NOS1AP: variants seen among roughly 807,000 people sequenced by gnomAD.
NOS1AP encodes the protein nitric oxide synthase 1 adaptor protein.
A neutral mutation model predicts 56.2 loss-of-function variants in NOS1AP; 21 were observed. That is an observed-to-expected ratio of 0.37 (90% CI 0.26 to 0.54). The LOEUF (loss-of-function observed/expected upper bound fraction) is 0.54, where lower values mean the gene tolerates loss of function less well. Ranked by LOEUF, NOS1AP falls within the 20% of genes least tolerant of loss-of-function variation. The pLI is 0.84. For synonymous variants in NOS1AP, 270 were observed against 274.6 expected (o/e 0.98, Z 0.17); for missense variants, 522 against 657.8 (o/e 0.79, Z 2.26).
chr1:162,205,712 G>A (rs914644068), intron 2 of NOS1AP, among the ~76,000 whole-genome samples: 3 of 152,198 alleles, frequency 2.0e-5, no homozygotes, highest in Admixed American at 6.5e-5. Flanking sequence ...TTTGGGAATT[G>A]TAGCTGTCTT....
chr1:162,249,841 C>T (rs1003776068), intron 2 of NOS1AP, among the ~76,000 whole-genome samples: 2 of 152,180 alleles, frequency 1.3e-5, no homozygotes, highest in Non-Finnish European at 2.9e-5. Flanking sequence ...TCCAGTGTAT[C>T]AGTGGGCACG....
At chr1:162,110,506 A>G (rs1166615538) in intron 1 of NOS1AP, among the ~76,000 whole-genome samples, 1 of 152,208 alleles carries the variant, frequency 6.6e-6, no homozygotes, top group Non-Finnish European at 1.5e-5. Flanking sequence ...TGTCAAGTCT[A>G]AGACCCCAAT....
At chr1:162,321,227 G>C (rs999400058) in intron 4 of NOS1AP, among the ~76,000 whole-genome samples, 2 of 152,196 alleles carry the variant, frequency 1.3e-5, no homozygotes, top group African/African-American at 4.8e-5. Flanking sequence ...GTTTGTCAAA[G>C]ATCAGATAGT....
intron 2 of NOS1AP, among the ~76,000 whole-genome samples, chr1:162,162,987 C>T (rs1256575510): frequency 1.3e-5 from 2 of 152,184 alleles, no homozygotes; most frequent in Non-Finnish European, 2.9e-5. Context: ...TAGCCCCAGA[C>T]TACTACTAAT....
At chr1:162,231,658 T>C (rs910997875) in intron 2 of NOS1AP, among the ~76,000 whole-genome samples, 3 of 152,194 alleles carry the variant, frequency 2.0e-5, no homozygotes, top group Admixed American at 2.0e-4. Context: ...ACATTTCAAG[T>C]GCTCAGTAGC....
At chr1:162,366,823 G>A (rs918845387) in intron 9 of NOS1AP, 7 of 615,822 alleles carry the variant, frequency 1.1e-5, no homozygotes, top group African/African-American at 1.9e-5. Flanking sequence ...TGGTTCTTAT[G>A]TCCCCGCCTT....
chr1:162,303,511 G>A (rs1017392806), intron 4 of NOS1AP, among the ~76,000 whole-genome samples: 12 of 152,192 alleles, frequency 7.9e-5, no homozygotes, highest in African/African-American at 2.7e-4. Context: ...GTGTAATCAC[G>A]GCTCACTGCA....
chr1:162,226,507 A>G (rs979575264), intron 2 of NOS1AP, among the ~76,000 whole-genome samples: 1 of 152,210 alleles, frequency 6.6e-6, no homozygotes, highest in South Asian at 2.1e-4. Context: ...ACCAAACCTA[A>G]CATTACAACA....
intron 1 of NOS1AP, among the ~76,000 whole-genome samples, chr1:162,099,985 G>C (rs1211870772): frequency 6.6e-6 from 1 of 151,154 alleles, no homozygotes; most frequent in African/African-American, 2.4e-5. Flanking sequence ...TGGCTGCATA[G>C]TATTCCATGG....
chr1:162,332,330 T>C (rs971788804), intron 4 of NOS1AP, among the ~76,000 whole-genome samples: 4 of 152,198 alleles, frequency 2.6e-5, no homozygotes, highest in Non-Finnish European at 1.5e-5. Flanking sequence ...TCTGCCTTAT[T>C]TTTCTTCATA....
At chr1:162,275,878 A>G (rs1321826110) in intron 2 of NOS1AP, among the ~76,000 whole-genome samples, 1 of 152,190 alleles carries the variant, frequency 6.6e-6, no homozygotes, top group Non-Finnish European at 1.5e-5. Context: ...GCTTTAATAG[A>G]GCGGAGACAG....
chr1:162,164,227 T>C (rs1650368413), intron 2 of NOS1AP, among the ~76,000 whole-genome samples: 1 of 152,200 alleles, frequency 6.6e-6, no homozygotes, highest in South Asian at 2.1e-4. Context: ...CAGGATGATA[T>C]GCAGAATGTC....
At chr1:162,140,554 A>G (rs968654723) in intron 1 of NOS1AP, among the ~76,000 whole-genome samples, 1 of 152,188 alleles carries the variant, frequency 6.6e-6, no homozygotes, top group Non-Finnish European at 1.5e-5. Flanking sequence ...CTGTCGATGG[A>G]CACCTGGATT....
chr1:162,181,140 C>G (rs1336898995), intron 2 of NOS1AP, among the ~76,000 whole-genome samples: 22 of 152,182 alleles, frequency 1.4e-4, no homozygotes, highest in Admixed American at 1.4e-3. Flanking sequence ...GCTCAAACAA[C>G]TTAACAGACA....
At chr1:162,214,930 T>C (rs1652508418) in intron 2 of NOS1AP, among the ~76,000 whole-genome samples, 1 of 152,224 alleles carries the variant, frequency 6.6e-6, no homozygotes, top group African/African-American at 2.4e-5. Context: ...TTCTTAAACA[T>C]TTTTTGAAAA....
At chr1:162,360,796 C>G in intron 8 of NOS1AP, 1 of 456,536 alleles carries the variant, frequency 2.2e-6, no homozygotes, top group South Asian at 1.5e-5. Context: ...GCGCCTGCCT[C>G]TGCTTCTGTG....
At chr1:162,101,958 C>G (rs997308699) in intron 1 of NOS1AP, among the ~76,000 whole-genome samples, 21 of 152,136 alleles carry the variant, frequency 1.4e-4, no homozygotes, top group African/African-American at 4.8e-4. Context: ...ACTTCCCTGG[C>G]CAGAACTTCC....
rs375625801 is a variant in NOS1AP at position 162,287,341 on chromosome 1, C to A, written c.178-3C>A. 6.3e-7 allele frequency: 1 copy of A among 1,598,926 alleles called. No individual in the cohort carries two copies. On this transcript the variant is annotated splice_polypyrimidine_tract_variant and splice_region_variant and intron_variant, in intron 2 of 9. Transcript: ENST00000361897. ...TTTCTTTTTGTTTTCTTCTTTCTTGCAGTATGAGTTTAAAGCCAAGAACAT... is the reference window on the plus strand; with the variant it reads ...TTTCTTTTTGTTTTCTTCTTTCTTGAAGTATGAGTTTAAAGCCAAGAACAT...
At chr1:162,125,041 A>T (rs1648422007) in intron 1 of NOS1AP, among the ~76,000 whole-genome samples, 1 of 151,914 alleles carries the variant, frequency 6.6e-6, no homozygotes, top group Non-Finnish European at 1.5e-5. Context: ...ACTGTTTTCC[A>T]TAGAGGTTGT....
Sources: allele counts gnomAD v4.1 joint callset (sites outside exome capture counted in the v4.1 genomes callset), GRCh38; gene constraint gnomAD v4.1.1; transcripts MANE v1.5; gene names NCBI Gene and HGNC (gene_info 2026-07-23, HGNC 2026-07-21).